PACS1: variants seen among roughly 807,000 people sequenced by gnomAD.
PACS1 encodes phosphofurin acidic cluster sorting protein 1, also known as PACS-1.
Under a neutral mutation model 115.0 loss-of-function variants are expected in PACS1, and 24 were observed. That is an observed-to-expected ratio of 0.21 (90% CI 0.15 to 0.29). PACS1 has a LOEUF of 0.29. Among genes scored for constraint, PACS1 ranks in the 10% least tolerant of loss-of-function variants. PACS1 has a pLI of 1.00. For missense variants in PACS1, 838 were observed against 1,251.2 expected (o/e 0.67, Z 4.98); for synonymous variants, 453 against 504.5 (o/e 0.90, Z 1.37).
rs7124036 is a variant in PACS1, at chr11:66,088,090, G to C, written c.356+17248G>C. ...ATTTATCTATTTTGGTTGTCTCTCT[G>C]TTTCTTATTTACCTTTAGGAGTTGT... is the stretch of plus-strand genomic sequence containing the variant. On this transcript the variant is annotated intron_variant, in intron 1 of 23. Transcript: ENST00000320580. Among the ~76,000 whole-genome samples the C allele has an allele frequency of 7.2e-3, 1,096 of 151,782 alleles. 11 individuals are homozygous for C. Among genetic ancestry groups the C allele is most frequent in the African/African-American group, 0.025 (1,016 of 41,348 alleles).
chr11:66,123,539 T>G (rs1391675686), intron 1 of PACS1, among the ~76,000 whole-genome samples: 4 of 151,896 alleles, frequency 2.6e-5, no homozygotes, highest in East Asian at 1.9e-4. Flanking sequence ...TTTATTTTTT[T>G]GGGACAGAGT....
chr11:66,234,099 C>A (rs753379354), intron 16 of PACS1, 33 bp from the exon 17 acceptor site: 29 of 1,557,704 alleles, frequency 1.9e-5, no homozygotes, highest in Non-Finnish European at 2.4e-5. Context: ...CATCTCCTGA[C>A]GAATTCACCA....
intron 1 of PACS1, among the ~76,000 whole-genome samples, chr11:66,106,155 C>T (rs914943507): frequency 2.0e-5 from 3 of 152,304 alleles, no homozygotes; most frequent in South Asian, 4.1e-4. Context: ...TGAGGCCCAC[C>T]GCTGTGGCTC....
intron 1 of PACS1, among the ~76,000 whole-genome samples, chr11:66,129,359 A>G (rs1476042457): frequency 6.6e-6 from 1 of 151,612 alleles, no homozygotes; most frequent in East Asian, 1.9e-4. Flanking sequence ...TTGTACCTGG[A>G]AGGTGGAGGT....
intron 1 of PACS1, among the ~76,000 whole-genome samples, chr11:66,137,760 A>G (rs1858881296): frequency 6.6e-6 from 1 of 152,218 alleles, no homozygotes; most frequent in Non-Finnish European, 1.5e-5. Flanking sequence ...TATTTTAGAA[A>G]TGCAGCATGA....
chr11:66,153,423 T>C (rs1485885653), intron 1 of PACS1, among the ~76,000 whole-genome samples: 4 of 152,246 alleles, frequency 2.6e-5, no homozygotes, highest in East Asian at 1.9e-4. Flanking sequence ...GGTGGGAGGA[T>C]TGCTTGAGCC....
intron 1 of PACS1, among the ~76,000 whole-genome samples, chr11:66,101,743 G>A (rs182758149): frequency 9.9e-5 from 15 of 152,282 alleles, no homozygotes; most frequent in Middle Eastern, 3.4e-3. Flanking sequence ...CTACCAGGCA[G>A]TTGAATACAT....
intron 4 of PACS1, among the ~76,000 whole-genome samples, chr11:66,212,087 G>A (rs1466834472): frequency 1.3e-5 from 2 of 152,006 alleles, no homozygotes; most frequent in Non-Finnish European, 2.9e-5. Flanking sequence ...GCACCTGATG[G>A]CAATTGGTTC....
chr11:66,117,100 A>G (rs1022052309), intron 1 of PACS1, among the ~76,000 whole-genome samples: 1 of 152,020 alleles, frequency 6.6e-6, no homozygotes, highest in Non-Finnish European at 1.5e-5. Context: ...TGTATTATGC[A>G]TTAAAGCATT....
rs924060211 is a variant in PACS1, at chr11:66,233,362, G to C, written c.1838+296G>C. Among the ~76,000 whole-genome samples the C allele has an allele frequency of 4.6e-5, 7 of 152,172 alleles. No homozygotes were observed. Among genetic ancestry groups the C allele is most frequent in the African/African-American group, 7.2e-5 (3 of 41,428 alleles). ...CCCATGATGAAGGAGAGGACACACT[G>C]GTTTTAAAAAGATCTTTTATTCCTT... On this transcript the variant is annotated intron_variant, in intron 15 of 23. Coordinates refer to ENST00000320580, the MANE Select transcript of PACS1 (RefSeq NM_018026.4). This position sits in a 1 kb window ranked among gnomAD's most constrained non-coding sequence, Gnocchi z 4.5.
intron 1 of PACS1, among the ~76,000 whole-genome samples, chr11:66,105,368 A>G (rs1172991056): frequency 6.6e-6 from 1 of 152,218 alleles, no homozygotes; most frequent in African/African-American, 2.4e-5. Context: ...GGTTGCAGTG[A>G]GCTGAGACTG....
At chr11:66,180,699 A>G (rs757494823) in intron 1 of PACS1, among the ~76,000 whole-genome samples, 31 of 150,508 alleles carry the variant, frequency 2.1e-4, no homozygotes, top group South Asian at 4.2e-4. Context: ...TGCTCTCTCA[A>G]CCAGGCTGGA....
In PACS1 at chr11:66,084,992, A is replaced by G. The variant is rs116766165; in HGVS notation, c.356+14150A>G. Among the ~76,000 whole-genome samples the G allele has an allele frequency of 8.9e-4, 136 of 152,236 alleles. 1 individual carries two copies. Among genetic ancestry groups the G allele is most frequent in the African/African-American group, 3.2e-3 (133 of 41,540 alleles). The stretch of plus-strand genomic sequence containing the variant: ...GCTGTGGGAATGGCTGAGTCTCAAT[A>G]TCCCTAATTACTCTGCTGTTGTGTT... On this transcript the variant is annotated intron_variant, in intron 1 of 23. Coordinates refer to ENST00000320580, the MANE Select transcript of PACS1 (RefSeq NM_018026.4).
At chr11:66,086,234 G>A (rs550074123) in intron 1 of PACS1, among the ~76,000 whole-genome samples, 1 of 151,600 alleles carries the variant, frequency 6.6e-6, no homozygotes, top group South Asian at 2.1e-4. Context: ...GCCCCCCGGG[G>A]TTCACGCCAT....
At chr11:66,200,051 A>AAC (rs1168966854) in intron 2 of PACS1, among the ~76,000 whole-genome samples, 12 of 149,820 alleles carry the variant, frequency 8.0e-5, no homozygotes, top group East Asian at 2.0e-4. Context: ...AACAAAACAA[A>AAC]AAAAAAAACA....
chr11:66,094,530 G>T (rs1857732879), intron 1 of PACS1, among the ~76,000 whole-genome samples: 1 of 152,056 alleles, frequency 6.6e-6, no homozygotes, highest in South Asian at 2.1e-4. Flanking sequence ...CCAATAACAG[G>T]CTCTGAAATT....
At chr11:66,227,438 C>G in intron 10 of PACS1, 66 bp from the exon 11 acceptor site, 2 of 880,046 alleles carry the variant, frequency 2.3e-6, no homozygotes, top group Admixed American at 4.1e-5. Flanking sequence ...TCATAGGGAC[C>G]TAGTAAAACA....
At chr11:66,193,650 C>G (rs1854582722) in intron 2 of PACS1, 77 bp downstream of exon 2, 1 of 974,394 alleles carries the variant, frequency 1.0e-6, no homozygotes, top group African/African-American at 1.6e-5. Context: ...GCTTCAGAAA[C>G]ACTACTGGGA....
chr11:66,088,033 T>G (rs571226729), intron 1 of PACS1, among the ~76,000 whole-genome samples: 1 of 152,302 alleles, frequency 6.6e-6, no homozygotes, highest in Non-Finnish European at 1.5e-5. Context: ...GTGTATCCTC[T>G]TTTATGAACT....
Sources: allele counts gnomAD v4.1 joint callset (sites outside exome capture counted in the v4.1 genomes callset), GRCh38; gene constraint gnomAD v4.1.1; non-coding constraint Gnocchi (gnomAD v3.1); transcripts MANE v1.5; gene names NCBI Gene and HGNC (gene_info 2026-07-23, HGNC 2026-07-21).